SH3D19: variants seen among roughly 807,000 people sequenced by gnomAD.
The protein encoded by SH3D19 is SH3 domain-containing protein 19.
Under a neutral mutation model 112.1 loss-of-function variants are expected in SH3D19, and 58 were observed. That is an observed-to-expected ratio of 0.52 (90% CI 0.42 to 0.64). The LOEUF is 0.64. Among genes scored for constraint, SH3D19 ranks in the 30% least tolerant of loss-of-function variants. SH3D19 has a pLI of 0.00. For missense variants in SH3D19, 1,090 were observed against 1,263.4 expected, an observed-to-expected ratio of 0.86 and a Z score of 2.08; for synonymous variants, 391 against 448.5, an observed-to-expected ratio of 0.87 and a Z score of 1.62.
At chr4:151,260,279 C>T (rs1004065577) in intron 1 of SH3D19, among the ~76,000 whole-genome samples, 2 of 152,124 alleles carry the variant, frequency 1.3e-5, no homozygotes, top group Non-Finnish European at 2.9e-5. Context: ...ATAACACTCG[C>T]ACTTGCATCT....
intron 1 of SH3D19, among the ~76,000 whole-genome samples, chr4:151,298,618 A>G (rs879062198): frequency 6.8e-6 from 1 of 146,986 alleles, no homozygotes; most frequent in Admixed American, 7.0e-5. Context: ...AGTTCAGAAG[A>G]GAGGGCAGGA....
chr4:151,210,596 G>A lies in SH3D19; in HGVS notation c.152+15451C>T, dbSNP rs370223057. On this transcript the variant is annotated intron_variant, in intron 2 of 19. Transcript: ENST00000604030. ...TTTTGTATTTTTTAGTAGAGATGGGGTTTCAGGTGTTAGCCAGGATGGTCT... is the reference window on the plus strand; with the variant it reads ...TTTTGTATTTTTTAGTAGAGATGGGATTTCAGGTGTTAGCCAGGATGGTCT... Among the ~76,000 whole-genome samples the A allele has an allele frequency of 4.2e-4, 64 of 152,042 alleles. No homozygotes were observed. The South Asian group carries it at 0.012, about 28-fold the overall frequency.
At position 151,210,012 on chromosome 4, in the gene SH3D19, C is replaced by T. The variant is rs1041846375; in HGVS notation, c.152+16035G>A. Among the ~76,000 whole-genome samples the T allele has an allele frequency of 3.2e-4, 49 of 152,224 alleles. 1 individual carries two copies. The highest frequency in any genetic ancestry group is 3.4e-3 in the Middle Eastern group (1 of 294). ...AGTTCTATTAGCTATGGCCAAATAG[C>T]GTAGGACCATTTTCTTCTGGTTCAT... is the stretch of plus-strand genomic sequence containing the variant. On this transcript the variant is annotated intron_variant, in intron 2 of 19. Transcript: ENST00000604030.
intron 17 of SH3D19, among the ~76,000 whole-genome samples, chr4:151,128,830 A>G (rs1390229233): frequency 1.3e-5 from 2 of 152,050 alleles, no homozygotes; most frequent in Non-Finnish European, 2.9e-5. Flanking sequence ...ATTTTTGCAG[A>G]AATGAAGTCT....
chr4:151,310,820 C>A (rs1385666875), intron 1 of SH3D19, among the ~76,000 whole-genome samples: 1 of 151,620 alleles, frequency 6.6e-6, no homozygotes, highest in Non-Finnish European at 1.5e-5. Context: ...GATCCACCCA[C>A]CTCGGCCTCC....
intron 1 of SH3D19, among the ~76,000 whole-genome samples, chr4:151,316,118 T>C (rs1729960215): frequency 6.6e-6 from 1 of 152,306 alleles, no homozygotes; most frequent in African/African-American, 2.4e-5. Flanking sequence ...ATGATAATAA[T>C]ATATACCCTT....
chr4:151,230,597 CTTTTTTT>C (rs201617546), intron 1 of SH3D19, among the ~76,000 whole-genome samples: 6 of 136,940 alleles, frequency 4.4e-5, no homozygotes. Context: ...TAAAGTGAGT[CTTTTTTT>C]TTTTTTTTTT....
chr4:151,137,854 CA>C lies in SH3D19; in HGVS notation c.2304del (p.Asp769MetfsTer3). ...TCTCCAGAAGTGAGGTTCAAATCAT[CA>C]ACTTGCTCTGTAATATAAAATTATA... The part of the protein sequence containing the change: ...VVLHDFPAEQ[V>X]DDLNLTSGEI... On this transcript the variant is annotated frameshift_variant, in exon 14 of 20. Coordinates refer to ENST00000604030, the MANE Select transcript of SH3D19 (RefSeq NM_001378122.1). LOFTEE classifies it high-confidence loss of function. 1 of 1,599,204 alleles carries C rather than the reference CA, an allele frequency of 6.3e-7. No homozygotes were observed. Among genetic ancestry groups the C allele is most frequent in the South Asian group, 1.1e-5 (1 of 87,708 alleles).
chr4:151,306,564 T>C (rs1728934856), intron 1 of SH3D19, among the ~76,000 whole-genome samples: 1 of 152,156 alleles, frequency 6.6e-6, no homozygotes, highest in African/African-American at 2.4e-5. Flanking sequence ...AAAAAGAATA[T>C]TGGAATTAAA....
intron 1 of SH3D19, among the ~76,000 whole-genome samples, chr4:151,317,323 AAT>A (rs1270256548): frequency 6.6e-6 from 1 of 152,236 alleles, no homozygotes; most frequent in Non-Finnish European, 1.5e-5. Flanking sequence ...CCTTTCAATT[AAT>A]ACACCAAAAG....
At chr4:151,295,911 C>T (rs1775673973) in intron 1 of SH3D19, among the ~76,000 whole-genome samples, 1 of 152,002 alleles carries the variant, frequency 6.6e-6, no homozygotes. Context: ...TGGCATGAGC[C>T]TGTAGTCCCA....
At chr4:151,181,176 T>C (rs919550399) in intron 3 of SH3D19, among the ~76,000 whole-genome samples, 1 of 152,224 alleles carries the variant, frequency 6.6e-6, no homozygotes, top group Non-Finnish European at 1.5e-5. Context: ...TTGTTTCAGA[T>C]ATAAACTATT....
chr4:151,226,471 G>A (rs1769016737), intron 1 of SH3D19: 1 of 990,246 alleles, frequency 1.0e-6, no homozygotes. Context: ...ATCATGGTTG[G>A]CAGAAGCTTC....
chr4:151,160,148 G>C (rs1261028093), intron 8 of SH3D19, among the ~76,000 whole-genome samples: 1 of 149,398 alleles, frequency 6.7e-6, no homozygotes, highest in Non-Finnish European at 1.5e-5. Flanking sequence ...GTGCAGTGGT[G>C]CAATCTCGGC....
At chr4:151,234,630 G>A (rs1198409001) in intron 1 of SH3D19, among the ~76,000 whole-genome samples, 1 of 151,560 alleles carries the variant, frequency 6.6e-6, no homozygotes, top group Non-Finnish European at 1.5e-5. Context: ...ATTTAAGGAG[G>A]TATAAAAAGA....
intron 15 of SH3D19, 80 bp downstream of exon 15, chr4:151,134,994 G>T: frequency 1.6e-6 from 2 of 1,246,512 alleles, no homozygotes; most frequent in Non-Finnish European, 2.3e-6. Flanking sequence ...GCCTTGGAGT[G>T]TTTTAAGCTT....
At chr4:151,229,811 G>A (rs757797463) in intron 1 of SH3D19, among the ~76,000 whole-genome samples, 4 of 152,046 alleles carry the variant, frequency 2.6e-5, no homozygotes, top group East Asian at 3.9e-4. Context: ...GCTACTCTGC[G>A]GGCTGAGGTG....
chr4:151,154,440 T>C (rs1376674787), intron 9 of SH3D19, among the ~76,000 whole-genome samples: 2 of 151,444 alleles, frequency 1.3e-5, no homozygotes, highest in Admixed American at 6.6e-5. Flanking sequence ...GGCCCACACC[T>C]GGCTAATTTT....
At chr4:151,256,691 G>GTT (rs1303331234) in intron 1 of SH3D19, among the ~76,000 whole-genome samples, 1 of 85,050 alleles carries the variant, frequency 1.2e-5, no homozygotes, top group Non-Finnish European at 3.0e-5. Flanking sequence ...CTTTTGTTTT[G>GTT]TTGTTTTTTT....
Sources: allele counts gnomAD v4.1 joint callset (sites outside exome capture counted in the v4.1 genomes callset), GRCh38; gene constraint gnomAD v4.1.1; transcripts MANE v1.5; gene names NCBI Gene and HGNC (gene_info 2026-07-23, HGNC 2026-07-21).